The following ICE2 variants were observed in gnomAD, a reference collection of about 807,000 sequenced individuals.
ICE2 encodes interactor of little elongation complex ELL subunit 2.
ICE2 carries 87 observed loss-of-function variants against 105.4 expected under a neutral mutation model. That is an observed-to-expected ratio of 0.83 (90% CI 0.69 to 0.99). The LOEUF (loss-of-function observed/expected upper bound fraction) is 0.99, where lower values mean the gene tolerates loss of function less well. Ranked by LOEUF, ICE2 falls within the 50% of genes least tolerant of loss-of-function variation. ICE2 has a pLI of 0.00. For missense variants in ICE2, 1,323 were observed against 1,146.7 expected (o/e 1.15, Z -2.22); for synonymous variants, 399 against 392.0 (o/e 1.02, Z -0.21).
chr15:60,452,746 A>T, intron 9 of ICE2: 1 of 450,652 alleles, frequency 2.2e-6, no homozygotes, highest in Non-Finnish European at 2.9e-6. Flanking sequence ...AAATTCATTT[A>T]AACCTAAACA....
intron 5 of ICE2, among the ~76,000 whole-genome samples, chr15:60,462,383 T>C (rs902507897): frequency 6.6e-6 from 1 of 152,178 alleles, no homozygotes; most frequent in African/African-American, 2.4e-5. Context: ...TATTGTGTTC[T>C]TGAAAACTGC....
At chr15:60,423,868 C>T (rs1566963716) in intron 15 of ICE2, 106 bp from the exon 16 acceptor site, 1 of 1,031,394 alleles carries the variant, frequency 9.7e-7, no homozygotes, top group Non-Finnish European at 1.3e-6. Flanking sequence ...TGCAAATAAG[C>T]TCTTATATAT....
chr15:60,471,693 T>C (rs1047835518), intron 3 of ICE2, among the ~76,000 whole-genome samples: 2 of 152,164 alleles, frequency 1.3e-5, no homozygotes, highest in Admixed American at 1.3e-4. Context: ...TATTCACGTA[T>C]ACAGCATTAT....
In ICE2 at chr15:60,423,555, G is replaced by A. The variant is rs2063271407; in HGVS notation, c.*79C>T. 1.5e-6 allele frequency: 2 copies of A among 1,365,424 alleles called. No homozygotes were observed. Among genetic ancestry groups the A allele is most frequent in the African/African-American group, 1.5e-5 (1 of 66,264 alleles). The allele number at this position is 1,365,424 out of a possible 1,614,324, so 84.6% of individuals were successfully genotyped here. On this transcript the variant is annotated 3_prime_UTR_variant, in exon 16 of 16. Transcript: ENST00000261520. Reference sequence around the variant, plus strand: ...AGGAAAAATGTTCCTCTTGCCTACTGATTATTTTCCCTCAAACTTATCTAA... The same window carrying A: ...AGGAAAAATGTTCCTCTTGCCTACTAATTATTTTCCCTCAAACTTATCTAA...
chr15:60,432,029 T>G, intron 13 of ICE2, 45 bp from the exon 14 acceptor site: 1 of 1,120,448 alleles, frequency 8.9e-7, no homozygotes, highest in Non-Finnish European at 1.3e-6. Context: ...TGCAAAAAAC[T>G]TACTTTTAGC....
Position 60,442,510 on chromosome 15 carries a change from ATACTC to A in ICE2, c.2326_2330del (p.Glu776SerfsTer7). ...GAGCTTCAACTCCATAACAAGCTTGATACTCTACTTTTGGTAGTACATAAACTGGA... is the reference window on the plus strand; with the variant it reads ...GAGCTTCAACTCCATAACAAGCTTGATACTTTTGGTAGTACATAAACTGGA... On this transcript the variant is annotated frameshift_variant, in exon 12 of 16. Transcript: ENST00000261520. LOFTEE classifies it high-confidence loss of function. The A allele has an allele frequency of 6.3e-7, 1 of 1,589,144 alleles. No homozygotes were observed. The highest frequency in any genetic ancestry group is 8.5e-7 in the Non-Finnish European group (1 of 1,174,186).
chr15:60,468,095 A>C lies in ICE2; in HGVS notation c.374T>G (p.Val125Gly), dbSNP rs2064480619. ...YAKIPANSKA[V>G]GINKNDYLQY... ...CAAGTAGTCATTTTTATTTATTCCA[A>C]CAGCTTTGGAATTTGCAGGAATCTT... is the stretch of plus-strand genomic sequence containing the variant. The change falls in exon 4 of 16, where the codon GTT becomes GGT. Residue 125 changes from valine to glycine, a missense_variant. Val to Gly is a moderately radical substitution (Grantham distance 109, BLOSUM62 -3). Coordinates refer to ENST00000261520, the MANE Select transcript of ICE2 (RefSeq NM_024611.6). 1 of 1,613,504 alleles carries C rather than the reference A, an allele frequency of 6.2e-7. No homozygotes were observed. Among genetic ancestry groups the C allele is most frequent in the Admixed American group, 1.7e-5 (1 of 59,972 alleles).
chr15:60,477,062 T>G (rs1020385188), intron 2 of ICE2, among the ~76,000 whole-genome samples: 1 of 152,216 alleles, frequency 6.6e-6, no homozygotes, highest in South Asian at 2.1e-4. Flanking sequence ...TCTAGCATAT[T>G]TGCTCCATAC....
intron 5 of ICE2, among the ~76,000 whole-genome samples, chr15:60,460,564 C>T (rs2064247248): frequency 1.3e-5 from 2 of 152,202 alleles, no homozygotes; most frequent in African/African-American, 2.4e-5. Flanking sequence ...CCCTTCTCAA[C>T]CAAACTCTGT....
chr15:60,453,700 T>A lies in ICE2; in HGVS notation c.1028A>T (p.His343Leu). Residue 343 changes from histidine to leucine, a missense_variant, in exon 9 of 16, where the codon CAT (histidine) becomes CTT (leucine). His to Leu is a moderately conservative substitution (Grantham distance 99). Transcript: ENST00000261520. ...CATCATAAATTTTAATGGAACTTCATGAAAGATTTGATTTCTCTCTCTCAT... is the reference window on the plus strand; with the variant it reads ...CATCATAAATTTTAATGGAACTTCAAGAAAGATTTGATTTCTCTCTCTCAT... ...MTMRERNQIF[H>L]EVPLKFMMSK... 6.2e-7 allele frequency: 1 copy of A among 1,612,218 alleles called. No homozygotes were observed. The highest frequency in any genetic ancestry group is 8.5e-7 in the Non-Finnish European group (1 of 1,178,346).
chr15:60,431,183 C>CTTT (rs552470506), intron 14 of ICE2, among the ~76,000 whole-genome samples: 1 of 145,472 alleles, frequency 6.9e-6, no homozygotes, highest in East Asian at 2.0e-4. Context: ...CTATGTTCTT[C>CTTT]TTTTTTTTTT....
chr15:60,478,280 C>T (rs1418332610), intron 1 of ICE2, among the ~76,000 whole-genome samples: 1 of 152,184 alleles, frequency 6.6e-6, no homozygotes, highest in African/African-American at 2.4e-5. Context: ...GAGTGTTACT[C>T]TCAGGACACT....
intron 5 of ICE2, among the ~76,000 whole-genome samples, chr15:60,463,353 T>C (rs1187793888): frequency 6.6e-6 from 1 of 152,112 alleles, no homozygotes; most frequent in East Asian, 1.9e-4. Context: ...AATTTATTAA[T>C]ATAATGGAAA....
At chr15:60,478,288 A>C (rs1007206933) in intron 1 of ICE2, among the ~76,000 whole-genome samples, 14 of 152,140 alleles carry the variant, frequency 9.2e-5, no homozygotes, top group Non-Finnish European at 1.3e-4. Flanking sequence ...CTCTCAGGAC[A>C]CTCACTATGG....
intron 14 of ICE2, among the ~76,000 whole-genome samples, chr15:60,429,921 A>T (rs544594724): frequency 1.1e-4 from 17 of 152,328 alleles, no homozygotes; most frequent in African/African-American, 4.1e-4. Context: ...TTAATATTTA[A>T]TTCATGGAGA....
At chr15:60,427,919 A>G (rs1291629579) in intron 15 of ICE2, among the ~76,000 whole-genome samples, 1 of 152,180 alleles carries the variant, frequency 6.6e-6, no homozygotes, top group Non-Finnish European at 1.5e-5. Flanking sequence ...TAATACCTAG[A>G]AAGACACAAT....
intron 3 of ICE2, among the ~76,000 whole-genome samples, chr15:60,474,541 T>C (rs993461410): frequency 2.0e-5 from 3 of 152,186 alleles, no homozygotes; most frequent in African/African-American, 7.2e-5. Flanking sequence ...TAGTAGGATG[T>C]GCAGTAAATG....
chr15:60,452,303 A>G (rs201090790), intron 9 of ICE2: 3 of 882,864 alleles, frequency 3.4e-6, no homozygotes, highest in East Asian at 2.4e-4. Flanking sequence ...TCTTAAGTAC[A>G]AGAAAAACAT....
At chr15:60,454,817 C>T (rs963398220) in intron 8 of ICE2, 186 bp downstream of exon 8, 2 of 473,664 alleles carry the variant, frequency 4.2e-6, no homozygotes. Flanking sequence ...TTAAGCCCTG[C>T]ACGAATTAGG....
Sources: gnomAD v4.1 joint callset for allele counts (sites outside exome capture counted in the v4.1 genomes callset) on GRCh38, gnomAD v4.1.1 for gene constraint, MANE v1.5 for transcripts, NCBI Gene and HGNC (gene_info 2026-07-23, HGNC 2026-07-21) for gene names.